The following RBFOX1 variants were observed in gnomAD, a reference collection of about 807,000 sequenced individuals.
RBFOX1 encodes the protein RNA binding protein fox-1 homolog 1.
A neutral mutation model predicts 57.7 loss-of-function variants in RBFOX1; 8 were observed. The ratio of observed to expected loss-of-function variants is 0.14; its 90% CI spans 0.08 to 0.25. RBFOX1 has a LOEUF of 0.25. Ranked by LOEUF, RBFOX1 falls within the 10% of genes least tolerant of loss-of-function variation. The pLI, the probability that RBFOX1 is intolerant of heterozygous loss-of-function variation, is 1.00. For missense variants in RBFOX1, 611 were observed against 548.5 expected, an observed-to-expected ratio of 1.11 and a Z score of -1.14; for synonymous variants, 326 against 222.4, an observed-to-expected ratio of 1.47 and a Z score of -4.15.
intron 2 of RBFOX1, among the ~76,000 whole-genome samples, chr16:6,386,972 G>C (rs1255050182): frequency 2.6e-5 from 4 of 152,170 alleles, no homozygotes; most frequent in Non-Finnish European, 5.9e-5. Flanking sequence ...GGTAGTTATT[G>C]ATTCCGCAAA....
chr16:6,538,326 C>T (rs867217552), intron 2 of RBFOX1, among the ~76,000 whole-genome samples: 1 of 152,028 alleles, frequency 6.6e-6, no homozygotes, highest in Non-Finnish European at 1.5e-5. Context: ...CTCATCTCTA[C>T]AGAAAATAAA....
At chr16:5,604,529 A>T (rs2047494319), downstream of RBFOX1, among the ~76,000 whole-genome samples, 2 of 151,980 alleles carry the variant, frequency 1.3e-5, no homozygotes, top group Admixed American at 1.3e-4. Flanking sequence ...TTTTCCCGGG[A>T]GTGTCTCTCT....
At chr16:7,676,250 A>T (rs2073233323) in intron 13 of RBFOX1, among the ~76,000 whole-genome samples, 1 of 152,220 alleles carries the variant, frequency 6.6e-6, no homozygotes, top group African/African-American at 2.4e-5. Context: ...ATTCTTCAAT[A>T]ACATTAGTGG....
At chr16:5,616,533 C>A (rs115456320) in intron 3 of RBFOX1, among the ~76,000 whole-genome samples, 9,917 of 151,516 alleles carry the variant, frequency 0.065, 1,079 homozygotes, top group African/African-American at 0.23. Flanking sequence ...CGCTGTCTGC[C>A]CTCTTCCCTT....
rs530487522 is a variant in RBFOX1, at chr16:5,457,114, T to C, written c.220-10102T>C. Among the ~76,000 whole-genome samples the C allele has an allele frequency of 2.4e-4, 36 of 152,228 alleles. No individual in the cohort carries two copies. The South Asian group carries it at 7.3e-3, about 31-fold the overall frequency. On this transcript the variant is annotated intron_variant, in intron 1 of 2. Coordinates refer to the RBFOX1 transcript ENST00000585867. The stretch of plus-strand genomic sequence containing the variant: ...GTCTTCTCACTGTGTCCTCACATGG[T>C]GGGGAGAGAGATCATCTGTCCCTTT...
chr16:5,452,920 C>T (rs1268788930), intron 1 of RBFOX1, among the ~76,000 whole-genome samples: 1 of 152,170 alleles, frequency 6.6e-6, no homozygotes, highest in Non-Finnish European at 1.5e-5. Flanking sequence ...GTGTGAACCA[C>T]CACGCTCTGC....
intron 1 of RBFOX1, among the ~76,000 whole-genome samples, chr16:6,186,178 G>T (rs950665129): frequency 1.2e-4 from 19 of 152,166 alleles, no homozygotes; most frequent in African/African-American, 4.6e-4. Context: ...ATCAAATGTG[G>T]TGAAGTGCTT....
At chr16:7,109,618 G>T (rs1049142000) in intron 4 of RBFOX1, among the ~76,000 whole-genome samples, 1 of 152,072 alleles carries the variant, frequency 6.6e-6, no homozygotes, top group Admixed American at 6.6e-5. Context: ...CCAGTTTTAG[G>T]GGAAAGGGCT....
intron 3 of RBFOX1, among the ~76,000 whole-genome samples, chr16:6,836,280 A>C (rs1299585787): frequency 6.6e-6 from 1 of 152,238 alleles, no homozygotes; most frequent in Non-Finnish European, 1.5e-5. Context: ...TTTTACAAGC[A>C]ATGAGATAGT....
chr16:7,441,023 C>G lies in RBFOX1; in HGVS notation c.28-77124C>G, dbSNP rs141021279. On this transcript the variant is annotated intron_variant, in intron 4 of 15. Transcript: ENST00000550418. The stretch of plus-strand genomic sequence containing the variant: ...TGCCACTGTGCTTCAGCATGGGTGA[C>G]AGAGGACCCATTTCTTAAAAACCAA... Among the ~76,000 whole-genome samples, 907 of 150,432 alleles carry G rather than the reference C, an allele frequency of 6.0e-3. 4 individuals are homozygous for G. The highest frequency in any genetic ancestry group is 0.02 in the Middle Eastern group (6 of 294).
chr16:7,607,192 G>C (rs2095314238), intron 9 of RBFOX1, 93 bp from the exon 10 acceptor site: 1 of 1,150,936 alleles, frequency 8.7e-7, no homozygotes, highest in South Asian at 1.5e-5. Context: ...TACAAAATGA[G>C]ATACTTTAAC....
chr16:5,427,686 C>G (rs1013466184), intron 1 of RBFOX1, among the ~76,000 whole-genome samples: 2 of 152,166 alleles, frequency 1.3e-5, no homozygotes, highest in African/African-American at 4.8e-5. Context: ...GGTTACGATT[C>G]AAGCTCAAAG....
At chr16:5,516,464 C>T (rs2043796383) in intron 2 of RBFOX1, among the ~76,000 whole-genome samples, 2 of 152,184 alleles carry the variant, frequency 1.3e-5, no homozygotes, top group Non-Finnish European at 2.9e-5. Flanking sequence ...CTCTCTAAGT[C>T]TTGGTTTCTG....
chr16:6,483,006 A>T (rs150503423), intron 2 of RBFOX1, among the ~76,000 whole-genome samples: 3 of 152,340 alleles, frequency 2.0e-5, no homozygotes, highest in Non-Finnish European at 4.4e-5. Flanking sequence ...CTGAAAGAAC[A>T]AGGGAAGGGA....
intron 4 of RBFOX1, among the ~76,000 whole-genome samples, chr16:7,461,146 A>G (rs2059507749): frequency 6.6e-6 from 1 of 152,040 alleles, no homozygotes; most frequent in South Asian, 2.1e-4. Context: ...ATAAGAATTG[A>G]CTGAGGATGA....
At chr16:6,333,854 G>C (rs1348609187) in intron 2 of RBFOX1, among the ~76,000 whole-genome samples, 1 of 152,156 alleles carries the variant, frequency 6.6e-6, no homozygotes, top group East Asian at 1.9e-4. Flanking sequence ...CATATCACTA[G>C]ATGATTTTCT....
intron 3 of RBFOX1, among the ~76,000 whole-genome samples, chr16:5,840,097 C>G (rs1002719854): frequency 6.6e-6 from 1 of 152,064 alleles, no homozygotes; most frequent in Non-Finnish European, 1.5e-5. Context: ...TCATGAACAC[C>G]CTCTTCCTCA....
At chr16:6,659,102 C>T (rs2154096093) in intron 3 of RBFOX1, among the ~76,000 whole-genome samples, 1 of 151,990 alleles carries the variant, frequency 6.6e-6, no homozygotes, top group East Asian at 1.9e-4. Flanking sequence ...GGCACTGAAG[C>T]ATTTAAATTC....
chr16:5,778,136 A>G (rs1159807659), intron 3 of RBFOX1, among the ~76,000 whole-genome samples: 1 of 152,166 alleles, frequency 6.6e-6, no homozygotes, highest in East Asian at 1.9e-4. Flanking sequence ...GTGAGATAAA[A>G]GAGGAGAAGT....
Sources: allele counts gnomAD v4.1 joint callset (sites outside exome capture counted in the v4.1 genomes callset), GRCh38; gene constraint gnomAD v4.1.1; transcripts MANE v1.5; gene names NCBI Gene and HGNC (gene_info 2026-07-23, HGNC 2026-07-21).